NPFFR1: variants seen among roughly 807,000 people sequenced by gnomAD.
NPFFR1 encodes neuropeptide FF receptor 1, also known as G-protein coupled receptor 147.
Under a neutral mutation model 12.7 loss-of-function variants are expected in NPFFR1, and 17 were observed. The ratio of observed to expected loss-of-function variants is 1.34; its 90% CI spans 0.92 to 2.01. NPFFR1 has a LOEUF of 2.01. NPFFR1 is among the 30% of genes most tolerant of loss of function. The pLI, the probability that NPFFR1 is intolerant of heterozygous loss-of-function variation, is 0.00. For missense variants in NPFFR1, 604 were observed against 606.5 expected (o/e 1.00, Z 0.04); for synonymous variants, 296 against 264.5 (o/e 1.12, Z -1.16).
rs1172217242 is a variant in NPFFR1, at chr10:70,271,963, A to T, written c.8-5572T>A. Among the ~76,000 whole-genome samples the T allele has an allele frequency of 6.6e-5, 10 of 151,740 alleles. 1 individual carries two copies. The East Asian group carries it at 1.9e-3, about 29-fold the overall frequency. On this transcript the variant is annotated intron_variant, in intron 1 of 3. Coordinates refer to ENST00000277942, the MANE Select transcript of NPFFR1 (RefSeq NM_022146.5). Reference sequence around the variant, plus strand: ...GAAACCCCATCTCTACTAAAAATACAAAAATTAGCCAGGCGTGGTGGTGGG... The same window carrying T: ...GAAACCCCATCTCTACTAAAAATACTAAAATTAGCCAGGCGTGGTGGTGGG...
At chr10:70,265,456 G>T (rs917605600) in intron 2 of NPFFR1, among the ~76,000 whole-genome samples, 3 of 152,242 alleles carry the variant, frequency 2.0e-5, no homozygotes, top group African/African-American at 7.2e-5. Context: ...TAGAGGTCAA[G>T]TGGTCCACTG....
chr10:70,253,633 C>T lies in NPFFR1; in HGVS notation c.*1324G>A, dbSNP rs1451310744. On this transcript the variant is annotated 3_prime_UTR_variant, in exon 4 of 4. Transcript: ENST00000277942. ...GAGTGGAGCAAACAGTAAACAGTCA[C>T]TGTGTGTCGGTTAAGGGAACAGAGC... The T allele has an allele frequency of 1.3e-5, 2 of 152,212 alleles. No individual in the cohort carries two copies. The highest frequency in any genetic ancestry group is 1.5e-5 in the Non-Finnish European group (1 of 68,046). 9.4% of individuals were successfully genotyped at this position (152,212 alleles called of 1,614,324 possible).
rs556631138 is a variant in NPFFR1, at chr10:70,283,898, C to A, written c.-222G>T. On this transcript the variant is annotated 5_prime_UTR_variant, in exon 1 of 4. Coordinates refer to ENST00000277942, the MANE Select transcript of NPFFR1 (RefSeq NM_022146.5). ...CCCTCCCCTCGGGCTGACTGGCTCC[C>A]GCGCAGCGCTGCTGCCCGCAGGGCT... is the stretch of plus-strand genomic sequence containing the variant. 1.3e-5 allele frequency among the ~76,000 whole-genome samples: 2 copies of A among 152,290 alleles called. No homozygotes were observed. Among genetic ancestry groups the A allele is most frequent in the South Asian group, 2.1e-4 (1 of 4,834 alleles).
chr10:70,264,616 G>A (rs1840671429), intron 2 of NPFFR1, among the ~76,000 whole-genome samples: 1 of 151,928 alleles, frequency 6.6e-6, no homozygotes, highest in South Asian at 2.1e-4. Flanking sequence ...ATTTTTAAGT[G>A]GGGTGTGGTG....
chr10:70,263,536 G>A (rs571648612), intron 2 of NPFFR1, among the ~76,000 whole-genome samples: 66 of 152,238 alleles, frequency 4.3e-4, no homozygotes, highest in Middle Eastern at 3.4e-3. Context: ...GCCTCCCAAA[G>A]TGCTGGGATT....
intron 1 of NPFFR1, among the ~76,000 whole-genome samples, chr10:70,276,174 ATGTATCACC>A (rs1218743091): frequency 1.3e-5 from 2 of 152,206 alleles, no homozygotes; most frequent in Admixed American, 1.3e-4. Flanking sequence ...TGAACAGTGC[ATGTATCACC>A]TAAAACCTTG....
chr10:70,279,807 C>T (rs893084102), intron 1 of NPFFR1, among the ~76,000 whole-genome samples: 2 of 152,182 alleles, frequency 1.3e-5, no homozygotes, highest in Non-Finnish European at 2.9e-5. Flanking sequence ...TAACTCTATG[C>T]ACCATGCTGT....
At chr10:70,264,643 G>A (rs10999225) in intron 2 of NPFFR1, among the ~76,000 whole-genome samples, 3,941 of 152,206 alleles carry the variant, frequency 0.026, 145 homozygotes, top group African/African-American at 0.081. Context: ...AAAAGTACGG[G>A]ACTGGCTGTT....
intron 3 of NPFFR1, among the ~76,000 whole-genome samples, chr10:70,256,258 T>G (rs1294769551): frequency 6.6e-6 from 1 of 152,088 alleles, no homozygotes; most frequent in Non-Finnish European, 1.5e-5. Flanking sequence ...TTTCTTTCAA[T>G]TTTTGGAGAG....
At chr10:70,266,658 A>G (rs1437307867) in intron 1 of NPFFR1, among the ~76,000 whole-genome samples, 5 of 152,124 alleles carry the variant, frequency 3.3e-5, no homozygotes, top group African/African-American at 1.2e-4. Context: ...CATCCCATTT[A>G]GGTTCCAACT....
chr10:70,269,358 C>T (rs1299567293), intron 1 of NPFFR1, among the ~76,000 whole-genome samples: 1 of 152,014 alleles, frequency 6.6e-6, no homozygotes, highest in African/African-American at 2.4e-5. Context: ...GGTCTCACTA[C>T]GTTGCCCAGG....
chr10:70,257,593 G>A (rs1403759727), intron 3 of NPFFR1, among the ~76,000 whole-genome samples: 1 of 152,214 alleles, frequency 6.6e-6, no homozygotes, highest in South Asian at 2.1e-4. Context: ...CTGAAATATG[G>A]CCTCATGGGA....
chr10:70,249,148 C>G lies in NPFFR1; in HGVS notation c.*5809G>C, dbSNP rs1005428093. The G allele has an allele frequency of 6.6e-6, 1 of 152,082 alleles. No individual in the cohort carries two copies. The highest frequency in any genetic ancestry group is 1.5e-5 in the Non-Finnish European group (1 of 68,064). 9.4% of individuals were successfully genotyped at this position (152,082 alleles called of 1,614,324 possible). A position where few individuals can be genotyped will look rare whatever the true frequency, so the allele number is the denominator to read the frequency against. On this transcript the variant is annotated 3_prime_UTR_variant, in exon 4 of 4. Coordinates refer to ENST00000277942, the MANE Select transcript of NPFFR1 (RefSeq NM_022146.5). ...GCATGGTGGCTCGCGCCTGTAATCC[C>G]AGCACTTTGGGAGGCCGAGGCGGGC...
rs1360635844 is a variant in NPFFR1, at chr10:70,248,533, T to C, written c.*6424A>G. On this transcript the variant is annotated 3_prime_UTR_variant, in exon 4 of 4. Coordinates refer to ENST00000277942, the MANE Select transcript of NPFFR1 (RefSeq NM_022146.5). ...TGGAGTCTCACTCTGTTGCCCAGGA[T>C]AGAGTACAGTGGCGCTATCTTGGCT... 7.3e-6 allele frequency: 1 copy of C among 137,120 alleles called. No homozygotes were observed. The highest frequency in any genetic ancestry group is 1.5e-5 in the Non-Finnish European group (1 of 65,328). 8.5% of individuals were successfully genotyped at this position (137,120 alleles called of 1,614,324 possible).
intron 1 of NPFFR1, among the ~76,000 whole-genome samples, chr10:70,269,565 C>T (rs1348240996): frequency 2.0e-5 from 3 of 149,284 alleles, no homozygotes; most frequent in Admixed American, 6.6e-5. Flanking sequence ...GACTGGAGTG[C>T]AATGGCTTCG....
chr10:70,262,342 T>C (rs970277013), intron 2 of NPFFR1, among the ~76,000 whole-genome samples: 4 of 152,166 alleles, frequency 2.6e-5, no homozygotes, highest in Non-Finnish European at 5.9e-5. Context: ...ATATTTACAC[T>C]GAAGGGGTGA....
At chr10:70,279,975 T>C (rs1030743344) in intron 1 of NPFFR1, among the ~76,000 whole-genome samples, 1 of 152,238 alleles carries the variant, frequency 6.6e-6, no homozygotes, top group Non-Finnish European at 1.5e-5. Context: ...TGAGAACATG[T>C]GGTATTTGTC....
intron 1 of NPFFR1, among the ~76,000 whole-genome samples, chr10:70,272,170 A>T (rs1490901930): frequency 2.6e-5 from 3 of 114,696 alleles, no homozygotes; most frequent in Non-Finnish European, 5.5e-5. Context: ...AGAGAAAGAA[A>T]GAAAGAAGGG....
At chr10:70,256,618 T>G (rs1840575508) in intron 3 of NPFFR1, among the ~76,000 whole-genome samples, 1 of 152,252 alleles carries the variant, frequency 6.6e-6, no homozygotes, top group Non-Finnish European at 1.5e-5. Context: ...ACCATTTATT[T>G]CCTCATGAGG....
Sources: gnomAD v4.1 joint callset for allele counts (sites outside exome capture counted in the v4.1 genomes callset) on GRCh38, gnomAD v4.1.1 for gene constraint, MANE v1.5 for transcripts, NCBI Gene and HGNC (gene_info 2026-07-23, HGNC 2026-07-21) for gene names.